The following DNAH10 variants were observed in gnomAD, a reference collection of about 807,000 sequenced individuals.
DNAH10 encodes the protein dynein axonemal heavy chain 10.
DNAH10 carries 348 observed loss-of-function variants against 506.6 expected under a neutral mutation model. That is an observed-to-expected ratio of 0.69 (90% CI 0.63 to 0.75). DNAH10 has a LOEUF of 0.75. Among genes scored for constraint, DNAH10 ranks in the 30% least tolerant of loss-of-function variants. The pLI is 0.00. For missense variants in DNAH10, 5,179 were observed against 5,787.1 expected, an observed-to-expected ratio of 0.89 and a Z score of 3.41; for synonymous variants, 2,059 against 2,198.6, an observed-to-expected ratio of 0.94 and a Z score of 1.78.
chr12:123,818,974 GT>G lies in DNAH10; in HGVS notation c.3807del (p.Asp1270IlefsTer15), dbSNP rs1565944371. The G allele has an allele frequency of 6.2e-7, 1 of 1,605,564 alleles. No individual in the cohort carries two copies. Among genetic ancestry groups the G allele is most frequent in the Non-Finnish European group, 8.5e-7 (1 of 1,175,814 alleles). The part of the protein sequence containing the change: ...LFPPDAEKEL[V>X]DKIESIWSNL... ...GCCTCCTGATGCAGAGAAAGAACTG[GT>G]TGATAAGATTGAGAGCATATGGTCC... On this transcript the variant is annotated frameshift_variant, in exon 22 of 79. Transcript: ENST00000673944. LOFTEE classifies it high-confidence loss of function.
Position 123,931,336 on chromosome 12 carries a change from T to C in DNAH10, c.12785-5T>C, listed in dbSNP as rs1360020062. The C allele has an allele frequency of 6.2e-7, 1 of 1,613,224 alleles. No homozygotes were observed. The highest frequency in any genetic ancestry group is 8.5e-7 in the Non-Finnish European group (1 of 1,179,844). ...TGCCACCTCCGTTGTTCTCTGTGAT[T>C]GCAGAAGCCATCGAGGCCCTCCCGC... On this transcript the variant is annotated splice_polypyrimidine_tract_variant and splice_region_variant and intron_variant, in intron 73 of 78. Transcript: ENST00000673944.
At chr12:123,799,127 T>C in intron 13 of DNAH10, 119 bp from the exon 14 acceptor site, 1 of 574,998 alleles carries the variant, frequency 1.7e-6, no homozygotes, top group Middle Eastern at 7.6e-4. Flanking sequence ...AAAAAAATTA[T>C]ATAATGTTTA....
chr12:123,830,771 C>T, intron 26 of DNAH10, 72 bp downstream of exon 26: 2 of 1,267,656 alleles, frequency 1.6e-6, no homozygotes, highest in Non-Finnish European at 2.1e-6. Flanking sequence ...AGGGAGAACT[C>T]ATCTATACTA....
At position 123,787,691 on chromosome 12, in the gene DNAH10, C is replaced by A. The variant is rs1004132546; in HGVS notation, c.1422-113C>A. 13 of 1,329,410 alleles carry A rather than the reference C, an allele frequency of 9.8e-6. No homozygotes were observed. Among genetic ancestry groups the A allele is most frequent in the Admixed American group, 2.3e-5 (1 of 43,330 alleles). 82.4% of individuals were successfully genotyped at this position (1,329,410 alleles called of 1,614,324 possible). On this transcript the variant is annotated intron_variant, in intron 9 of 78. Transcript: ENST00000673944. The surrounding 1 kb of genome is among the most constrained non-coding windows in gnomAD (Gnocchi z 4.6). ...GCCTTTTCCGATGAGGCCGTGAAACCAGGGGGGGCGCCCGGGTCAGAGCTT... is the reference window on the plus strand; with the variant it reads ...GCCTTTTCCGATGAGGCCGTGAAACAAGGGGGGGCGCCCGGGTCAGAGCTT...
chr12:123,908,478 T>C (rs1397540176), intron 57 of DNAH10: 1 of 456,126 alleles, frequency 2.2e-6, no homozygotes, highest in Non-Finnish European at 4.4e-6. Flanking sequence ...GCTGTTCTCT[T>C]CCACTTCTGT....
chr12:123,804,894 C>T lies in DNAH10; in HGVS notation c.2841C>T (p.Val947=), dbSNP rs775853934. The T allele has an allele frequency of 1.2e-6, 2 of 1,613,600 alleles. No homozygotes were observed. The highest frequency in any genetic ancestry group is 1.7e-5 in the Admixed American group (1 of 59,996). ...RERASDVDHM[V]RWYLAIGPLL... ...GGGCCAGCGACGTGGACCACATGGT[C>T]CGGTGGTATCTTGCCATTGGACCAC... Residue 947 remains valine (V), a synonymous_variant, in exon 18 of 79, where the codon GTC becomes GTT. Transcript: ENST00000673944.
In DNAH10 at chr12:123,794,134, G is replaced by A. The variant is rs964457719; in HGVS notation, c.1986+22G>A. 13 of 1,146,444 alleles carry A rather than the reference G, an allele frequency of 1.1e-5. No homozygotes were observed. In the Admixed American group the frequency reaches 4.5e-4, roughly 40 times the overall value. 71.0% of individuals were successfully genotyped at this position (1,146,444 alleles called of 1,614,324 possible). ...AGAGGTAATTGAAAAATCGATAGCT[G>A]CCATAGCATTAAAAATACACTTGGC... On this transcript the variant is annotated intron_variant, in intron 12 of 78. Transcript: ENST00000673944.
At chr12:123,830,398 G>T in intron 25 of DNAH10, 148 bp from the exon 26 acceptor site, 2 of 948,410 alleles carry the variant, frequency 2.1e-6, no homozygotes, top group South Asian at 3.8e-5. Context: ...AGAACTTTGG[G>T]AATATATTTC....
intron 34 of DNAH10, among the ~76,000 whole-genome samples, chr12:123,849,848 A>G (rs995325603): frequency 6.6e-6 from 1 of 152,162 alleles, no homozygotes. Flanking sequence ...GAGACTGTTC[A>G]ATATTTTCAG....
rs1457765672 is a variant in DNAH10, at chr12:123,850,651, G to GGTA, written c.6103-234_6103-232dup. Among the ~76,000 whole-genome samples, 1 of 152,238 alleles carries GGTA rather than the reference G, an allele frequency of 6.6e-6. No individual in the cohort carries two copies. The highest frequency in any genetic ancestry group is 1.5e-5 in the Non-Finnish European group (1 of 68,036). On this transcript the variant is annotated intron_variant, in intron 34 of 78. Transcript: ENST00000673944. The surrounding 1 kb of genome is among the most constrained non-coding windows in gnomAD (Gnocchi z 5.5). ...TCGCCAACCTGGGCCCCTTCTCCAA[G>GGTA]GTAGTGCCCTGGGTTCAGGTCTGAG...
At chr12:123,765,080 T>A (rs1956969730) in intron 1 of DNAH10, among the ~76,000 whole-genome samples, 1 of 152,042 alleles carries the variant, frequency 6.6e-6, no homozygotes, top group South Asian at 2.1e-4. Flanking sequence ...TTTCCTTTTT[T>A]TTCCTCTTTC....
chr12:123,930,605 C>T (rs752035518), intron 73 of DNAH10, 32 bp downstream of exon 73: 1 of 1,601,418 alleles, frequency 6.2e-7, no homozygotes, highest in Non-Finnish European at 8.5e-7. Context: ...AAGATGTTTT[C>T]AAGGCTTTTT....
intron 29 of DNAH10, among the ~76,000 whole-genome samples, 158 bp downstream of exon 29, chr12:123,838,847 C>G (rs748788104): frequency 6.6e-5 from 10 of 152,200 alleles, no homozygotes; most frequent in Non-Finnish European, 1.3e-4. Context: ...GGGTCTGGCT[C>G]TGTTGCCCAG....
At chr12:123,771,865 C>T (rs1445719632) in intron 3 of DNAH10, among the ~76,000 whole-genome samples, 167 bp downstream of exon 3, 1 of 152,170 alleles carries the variant, frequency 6.6e-6, no homozygotes, top group East Asian at 1.9e-4. Flanking sequence ...GAAGGACTCA[C>T]AGGACCCAGA....
At chr12:123,825,073 G>A (rs1355690765) in intron 24 of DNAH10, among the ~76,000 whole-genome samples, 1 of 152,174 alleles carries the variant, frequency 6.6e-6, no homozygotes, top group African/African-American at 2.4e-5. Flanking sequence ...GGCCCAGGTG[G>A]TAGGAGAACA....
intron 37 of DNAH10, among the ~76,000 whole-genome samples, chr12:123,858,284 C>T (rs561954171): frequency 6.6e-6 from 1 of 152,126 alleles, no homozygotes; most frequent in Admixed American, 6.5e-5. Flanking sequence ...TGGCAGAGTC[C>T]TGCTGAGAGT....
In DNAH10 at chr12:123,784,165, G is replaced by A. The variant is rs747109313; in HGVS notation, c.1218G>A (p.Glu406=). The change falls in exon 8 of 79, where the codon GAG becomes GAA. Residue 406 remains glutamate, a synonymous_variant. Coordinates refer to ENST00000673944, the MANE Select transcript of DNAH10 (RefSeq NM_001372106.1). ...ATGTGCGCTTTCTCTCCACCGTGGA[G>A]CGTTATTTCAAGGTATGCTGGGTGT... is the stretch of plus-strand genomic sequence containing the variant. The part of the protein sequence containing the change: ...SDNVRFLSTV[E]RYFKNITHGS... 2 of 1,614,062 alleles carry A rather than the reference G, an allele frequency of 1.2e-6. No homozygotes were observed. Among genetic ancestry groups the A allele is most frequent in the African/African-American group, 2.7e-5 (2 of 74,928 alleles).
chr12:123,877,817 C>T lies in DNAH10; in HGVS notation c.8281C>T (p.Leu2761=). ...LALYKNIVQD[L]PPTPSKFHYI... ...ACTTTACAAAAATATTGTGCAAGACCTACCTCCCACTCCGTCAAAGTTCCA... is the reference window on the plus strand; with the variant it reads ...ACTTTACAAAAATATTGTGCAAGACTTACCTCCCACTCCGTCAAAGTTCCA... The change falls in exon 48 of 79, where the codon CTA becomes TTA. Residue 2761 remains leucine, a synonymous_variant. Transcript: ENST00000673944. 1 of 1,613,966 alleles carries T rather than the reference C, an allele frequency of 6.2e-7. No homozygotes were observed. Among genetic ancestry groups the T allele is most frequent in the Non-Finnish European group, 8.5e-7 (1 of 1,179,888 alleles).
rs1241188055 is a variant in DNAH10, at chr12:123,909,604, ACAG to A, written c.9997+167_9997+169del. The stretch of plus-strand genomic sequence containing the variant: ...GGCAACTGATGGTCACCAGAGGAAA[ACAG>A]CAGCCCCATGACGTGACCCAGGGAG... On this transcript the variant is annotated intron_variant, in intron 58 of 78. Coordinates refer to ENST00000673944, the MANE Select transcript of DNAH10 (RefSeq NM_001372106.1). This position sits in a 1 kb window ranked among gnomAD's most constrained non-coding sequence, Gnocchi z 5.4. 1.3e-5 allele frequency among the ~76,000 whole-genome samples: 2 copies of A among 152,154 alleles called. No homozygotes were observed. Among genetic ancestry groups the A allele is most frequent in the East Asian group, 3.9e-4 (2 of 5,190 alleles).
Sources: allele counts gnomAD v4.1 joint callset (sites outside exome capture counted in the v4.1 genomes callset), GRCh38; gene constraint gnomAD v4.1.1; non-coding constraint Gnocchi (gnomAD v3.1); transcripts MANE v1.5; gene names NCBI Gene and HGNC (gene_info 2026-07-23, HGNC 2026-07-21).